Variants in CDH12 observed in about 807,000 individuals in gnomAD.
CDH12 encodes cadherin-12.
A neutral mutation model predicts 74.1 loss-of-function variants in CDH12; 41 were observed. The observed-to-expected ratio is 0.55, with a 90% CI of 0.43 to 0.72. The LOEUF (loss-of-function observed/expected upper bound fraction) is 0.72, where lower values mean the gene tolerates loss of function less well. CDH12 is among the 30% of genes least tolerant of loss of function. The pLI, the probability that CDH12 is intolerant of heterozygous loss-of-function variation, is 0.00. For missense variants in CDH12, 945 were observed against 977.2 expected, an observed-to-expected ratio of 0.97 and a Z score of 0.44; for synonymous variants, 399 against 355.0, an observed-to-expected ratio of 1.12 and a Z score of -1.39.
chr5:22,357,064 T>TAG (rs1740593994), intron 3 of CDH12, among the ~76,000 whole-genome samples: 1 of 152,068 alleles, frequency 6.6e-6, no homozygotes, highest in African/African-American at 2.4e-5. Context: ...TCTAGCTAGA[T>TAG]AGAGAGATAT....
intron 6 of CDH12, among the ~76,000 whole-genome samples, chr5:21,913,697 A>G (rs1753962763): frequency 6.6e-6 from 1 of 152,066 alleles, no homozygotes; most frequent in Non-Finnish European, 1.5e-5. Flanking sequence ...TTTTGCTCTG[A>G]GACAGGGTCT....
chr5:22,127,547 G>T (rs1266376737), intron 4 of CDH12, among the ~76,000 whole-genome samples: 8 of 151,172 alleles, frequency 5.3e-5, no homozygotes, highest in Admixed American at 5.3e-4. Flanking sequence ...AATAGGTCAG[G>T]ACAGGAATCC....
chr5:22,212,394 C>T (rs1042327394), intron 4 of CDH12, 104 bp downstream of exon 4: 8 of 372,532 alleles, frequency 2.1e-5, no homozygotes, highest in Non-Finnish European at 2.2e-5. Context: ...TAAGCTTTTC[C>T]TGACACAGTC....
intron 1 of CDH12, among the ~76,000 whole-genome samples, chr5:22,754,120 G>A (rs1022143528): frequency 5.9e-5 from 9 of 152,012 alleles, no homozygotes; most frequent in African/African-American, 1.7e-4. Flanking sequence ...AAATAACCTG[G>A]CAATTATCCA....
At chr5:21,847,340 A>G (rs1306519927) in intron 7 of CDH12, among the ~76,000 whole-genome samples, 2 of 152,108 alleles carry the variant, frequency 1.3e-5, no homozygotes, top group African/African-American at 2.4e-5. Flanking sequence ...ATTTCTTTCT[A>G]AATTAATTTC....
chr5:21,766,852 T>C (rs956908584), intron 11 of CDH12, among the ~76,000 whole-genome samples: 1 of 151,892 alleles, frequency 6.6e-6, no homozygotes, highest in African/African-American at 2.4e-5. Context: ...ACAGCAACTA[T>C]GATATAGGCA....
At chr5:22,311,236 G>A (rs991960518) in intron 3 of CDH12, among the ~76,000 whole-genome samples, 3 of 152,090 alleles carry the variant, frequency 2.0e-5, no homozygotes, top group Admixed American at 6.5e-5. Context: ...TTCTGATTAG[G>A]AGCAATTACA....
At chr5:21,944,407 C>T (rs1200581413) in intron 6 of CDH12, among the ~76,000 whole-genome samples, 1 of 152,124 alleles carries the variant, frequency 6.6e-6, no homozygotes, top group Admixed American at 6.5e-5. Context: ...CTATATGTTG[C>T]TGTTACATGC....
At chr5:22,546,099 C>G (rs576786022) in intron 1 of CDH12, among the ~76,000 whole-genome samples, 12 of 152,128 alleles carry the variant, frequency 7.9e-5, no homozygotes, top group African/African-American at 2.9e-4. Context: ...TGCCCACCAC[C>G]ACGCCTGGCT....
At chr5:22,129,773 G>T (rs988263750) in intron 4 of CDH12, among the ~76,000 whole-genome samples, 1 of 151,884 alleles carries the variant, frequency 6.6e-6, no homozygotes. Context: ...TGATTTAGTG[G>T]TATTATTACT....
intron 3 of CDH12, among the ~76,000 whole-genome samples, chr5:22,316,211 AAG>A (rs1738628359): frequency 6.6e-6 from 1 of 152,132 alleles, no homozygotes; most frequent in Admixed American, 6.5e-5. Flanking sequence ...GACTAAAAAA[AAG>A]AGAATGCTAA....
chr5:22,584,806 T>C (rs1481563028), intron 1 of CDH12, among the ~76,000 whole-genome samples: 1 of 152,204 alleles, frequency 6.6e-6, no homozygotes, highest in Non-Finnish European at 1.5e-5. Flanking sequence ...ATACATATAC[T>C]GAACTTATCA....
intron 3 of CDH12, among the ~76,000 whole-genome samples, chr5:22,340,822 G>A (rs1157336609): frequency 6.6e-6 from 1 of 152,118 alleles, no homozygotes; most frequent in Non-Finnish European, 1.5e-5. Flanking sequence ...AAGTCTGAGT[G>A]TCTTCATTTC....
At chr5:21,912,787 T>C (rs1379583501) in intron 6 of CDH12, among the ~76,000 whole-genome samples, 1 of 152,014 alleles carries the variant, frequency 6.6e-6, no homozygotes, top group Non-Finnish European at 1.5e-5. Context: ...CAGAGGTAAA[T>C]TTTGAATAAT....
chr5:22,518,014 C>T (rs756384448), intron 1 of CDH12, among the ~76,000 whole-genome samples: 1 of 152,170 alleles, frequency 6.6e-6, no homozygotes, highest in Non-Finnish European at 1.5e-5. Flanking sequence ...TTCCTTACAG[C>T]AGCTTTTTAT....
intron 1 of CDH12, among the ~76,000 whole-genome samples, chr5:22,513,570 T>G (rs1363587675): frequency 6.6e-6 from 1 of 152,180 alleles, no homozygotes; most frequent in Admixed American, 6.6e-5. Context: ...ATTTTAGACT[T>G]GGTTTGCTAT....
chr5:21,923,540 A>G (rs768252321), intron 6 of CDH12, among the ~76,000 whole-genome samples: 1 of 151,884 alleles, frequency 6.6e-6, no homozygotes, highest in Non-Finnish European at 1.5e-5. Context: ...GTTCCTTCCA[A>G]CCCTTCAAAT....
chr5:22,367,251 A>G (rs1436347003), intron 3 of CDH12, among the ~76,000 whole-genome samples: 1 of 152,110 alleles, frequency 6.6e-6, no homozygotes, highest in African/African-American at 2.4e-5. Context: ...CATTCTGTCT[A>G]TGTCCTTCCT....
chr5:21,840,143 C>G (rs1048105048), intron 8 of CDH12, among the ~76,000 whole-genome samples: 1 of 152,056 alleles, frequency 6.6e-6, no homozygotes, highest in South Asian at 2.1e-4. Context: ...CACATATAAT[C>G]ACCAAAAAGA....
Sources: allele counts gnomAD v4.1 joint callset (sites outside exome capture counted in the v4.1 genomes callset), GRCh38; gene constraint gnomAD v4.1.1; transcripts MANE v1.5; gene names NCBI Gene and HGNC (gene_info 2026-07-23, HGNC 2026-07-21).